UBE4A: variants seen among roughly 807,000 people sequenced by gnomAD.
UBE4A encodes ubiquitin conjugation factor E4 A.
A neutral mutation model predicts 117.9 loss-of-function variants in UBE4A; 48 were observed. The observed-to-expected ratio is 0.41, with a 90% CI of 0.32 to 0.52. UBE4A has a LOEUF of 0.52. UBE4A is among the 20% of genes least tolerant of loss of function. The pLI is 0.33. For missense variants in UBE4A, 1,067 were observed against 1,296.3 expected (o/e 0.82, Z 2.72); for synonymous variants, 407 against 450.0 (o/e 0.90, Z 1.21).
intron 2 of UBE4A, 23 bp from the exon 3 acceptor site, chr11:118,368,608 T>C: frequency 6.2e-7 from 1 of 1,613,320 alleles, no homozygotes. Context: ...GTGTAACATT[T>C]AACAGTATAC....
chr11:118,382,236 GA>G (rs1555126429), intron 12 of UBE4A, among the ~76,000 whole-genome samples: 1 of 152,156 alleles, frequency 6.6e-6, no homozygotes, highest in Non-Finnish European at 1.5e-5. Flanking sequence ...TTTACCCTCA[GA>G]AAGCTTGAAA....
chr11:118,364,445 A>T (rs573014492), intron 1 of UBE4A, among the ~76,000 whole-genome samples: 3 of 152,160 alleles, frequency 2.0e-5, no homozygotes, highest in African/African-American at 7.2e-5. Context: ...AGAAATAAAT[A>T]GATTGCTTAA....
Position 118,379,818 on chromosome 11 carries a change from G to C in UBE4A, c.1876+68G>C. 6.0e-6 allele frequency: 9 copies of C among 1,504,562 alleles called. No homozygotes were observed. The South Asian group carries it at 1.0e-4, about 17-fold the overall frequency. The allele number at this position is 1,504,562 out of a possible 1,614,324, so 93.2% of individuals were successfully genotyped here. ...TGAGTTTAAGTGGGTCACTTTGGAA[G>C]TTTAATCCTCAAAATACCCTTTCTT... is the stretch of plus-strand genomic sequence containing the variant. On this transcript the variant is annotated intron_variant, in intron 11 of 19. Transcript: ENST00000252108.
intron 10 of UBE4A, among the ~76,000 whole-genome samples, chr11:118,376,932 G>A (rs1194277457): frequency 6.6e-6 from 1 of 151,916 alleles, no homozygotes; most frequent in Non-Finnish European, 1.5e-5. Flanking sequence ...ATATGCTTGT[G>A]GTCTTAGCTG....
At chr11:118,395,520 C>T (rs1447996929) in intron 19 of UBE4A, among the ~76,000 whole-genome samples, 2 of 152,198 alleles carry the variant, frequency 1.3e-5, no homozygotes, top group Admixed American at 6.5e-5. Context: ...CATAAACCTT[C>T]TTATGTTTCA....
At chr11:118,385,971 G>A (rs1026911828) in intron 15 of UBE4A, among the ~76,000 whole-genome samples, 1 of 152,184 alleles carries the variant, frequency 6.6e-6, no homozygotes, top group Admixed American at 6.6e-5. Context: ...ATGACGTGAG[G>A]TAGAGAGTTT....
At chr11:118,378,282 A>T (rs1424319149) in intron 10 of UBE4A, among the ~76,000 whole-genome samples, 2 of 151,940 alleles carry the variant, frequency 1.3e-5, no homozygotes, top group African/African-American at 4.8e-5. Flanking sequence ...GAAAAAGACC[A>T]AGTTCTACTC....
At position 118,391,482 on chromosome 11, in the gene UBE4A, CAAAAAAA is replaced by C. The variant is rs1183433504; in HGVS notation, c.2916+685_2916+691del. On this transcript the variant is annotated intron_variant, in intron 18 of 19. Transcript: ENST00000252108. ...TGGGCAACAGAGCGAGATTCCATCT[CAAAAAAA>C]AAAAAAGAAAAAAGAAATTTAAGGG... Among the ~76,000 whole-genome samples, 19 of 113,608 alleles carry C rather than the reference CAAAAAAA, an allele frequency of 1.7e-4. No homozygotes were observed. The East Asian group carries it at 1.7e-3, about 10-fold the overall frequency. The allele number at this position is 113,608 out of a possible 152,430, so 74.5% of individuals were successfully genotyped here. A position where few individuals can be genotyped will look rare whatever the true frequency, so the allele number is the denominator to read the frequency against.
chr11:118,373,703 G>A lies in UBE4A; in HGVS notation c.1116+18G>A. ...TCCATCAGGTGGAACTGTTTACCAGGGTATCCCAGCCCCCTGATCTTAAAA... is the reference window on the plus strand; with the variant it reads ...TCCATCAGGTGGAACTGTTTACCAGAGTATCCCAGCCCCCTGATCTTAAAA... On this transcript the variant is annotated intron_variant, in intron 8 of 19. Transcript: ENST00000252108. The A allele has an allele frequency of 6.2e-7, 1 of 1,606,516 alleles. No individual in the cohort carries two copies. The highest frequency in any genetic ancestry group is 8.5e-7 in the Non-Finnish European group (1 of 1,176,700).
At position 118,373,154 on chromosome 11, in the gene UBE4A, A is replaced by G. The variant is rs780214060; in HGVS notation, c.790A>G (p.Thr264Ala). 2 of 1,614,084 alleles carry G rather than the reference A, an allele frequency of 1.2e-6. No individual in the cohort carries two copies. Among genetic ancestry groups the G allele is most frequent in the South Asian group, 2.2e-5 (2 of 91,078 alleles). Reference sequence around the variant, plus strand: ...CTTGATATTGGATGAGGAAGTTAGAACATTTCCAGAAGTCATGATTCCAGT... The same window carrying G: ...CTTGATATTGGATGAGGAAGTTAGAGCATTTCCAGAAGTCATGATTCCAGT... The part of the protein sequence containing the change: ...EALILDEEVR[T>A]FPEVMIPVFD... Residue 264 changes from threonine to alanine, a missense_variant, in exon 7 of 20, where the codon ACA becomes GCA. By Grantham distance (58) the Thr-to-Ala change is moderately conservative. This residue lies in a region of UBE4A where 1,001 missense variants were observed against 1,184.0 expected (regional missense o/e 0.85). Transcript: ENST00000252108.
In UBE4A at chr11:118,369,555, A is replaced by G; in HGVS notation, c.408+20A>G. 1.3e-6 allele frequency: 2 copies of G among 1,597,266 alleles called. No homozygotes were observed. Among genetic ancestry groups the G allele is most frequent in the Non-Finnish European group, 1.7e-6 (2 of 1,165,158 alleles). On this transcript the variant is annotated intron_variant, in intron 4 of 19. Coordinates refer to ENST00000252108, the MANE Select transcript of UBE4A (RefSeq NM_001204077.2). ...GAGCAGGTAATATTCTTACGTTCCT[A>G]ATGTGTGCCCTTAGCAAAAATTAGC... is the stretch of plus-strand genomic sequence containing the variant.
chr11:118,378,188 A>G (rs1158925731), intron 10 of UBE4A, among the ~76,000 whole-genome samples: 1 of 151,944 alleles, frequency 6.6e-6, no homozygotes, highest in Non-Finnish European at 1.5e-5. Context: ...CGGAGGTTGC[A>G]GTGAGCCGAG....
chr11:118,375,080 T>G lies in UBE4A; in HGVS notation c.1301T>G (p.Phe434Cys), dbSNP rs374659677. Reference sequence around the variant, plus strand: ...TTCCAAATGTATGCCTCAGATGCTTTCTTTCTGAATCTGGGTGCTGCTCTC... The same window carrying G: ...TTCCAAATGTATGCCTCAGATGCTTGCTTTCTGAATCTGGGTGCTGCTCTC... Reference protein sequence around the residue: ...IFFQMYASDAFFLNLGAALLK... With the variant: ...IFFQMYASDACFLNLGAALLK... Residue 434 changes from phenylalanine to cysteine, a missense_variant, in exon 9 of 20, where the codon TTC becomes TGC. This residue lies in a region of UBE4A where 1,001 missense variants were observed against 1,184.0 expected (regional missense o/e 0.85). Coordinates refer to ENST00000252108, the MANE Select transcript of UBE4A (RefSeq NM_001204077.2). 2.2e-5 allele frequency: 35 copies of G among 1,614,110 alleles called. No individual in the cohort carries two copies. Among genetic ancestry groups the G allele is most frequent in the Admixed American group, 6.7e-5 (4 of 60,008 alleles).
Position 118,379,541 on chromosome 11 carries a change from A to G in UBE4A, c.1667A>G (p.Asn556Ser), listed in dbSNP as rs190329784. Reference sequence around the variant, plus strand: ...CAAAGTTCTAGCCCTGCTGCTGACAATCTTCGTGAGCAGTTTGAACGACTG... The same window carrying G: ...CAAAGTTCTAGCCCTGCTGCTGACAGTCTTCGTGAGCAGTTTGAACGACTG... ...AQQSSSPAAD[N>S]LREQFERLMT... Residue 556 changes from asparagine to serine, a missense_variant, in exon 11 of 20, where the codon AAT becomes AGT. Transcript: ENST00000252108. 134 of 1,614,160 alleles carry G rather than the reference A, an allele frequency of 8.3e-5. No homozygotes were observed. The Admixed American group carries it at 1.1e-3, about 13-fold the overall frequency.
intron 9 of UBE4A, among the ~76,000 whole-genome samples, chr11:118,375,558 A>T (rs1948645177): frequency 6.6e-6 from 1 of 152,012 alleles, no homozygotes; most frequent in South Asian, 2.1e-4. Flanking sequence ...ACGGAGTTTC[A>T]CCATGTTGGC....
Position 118,384,751 on chromosome 11 carries a change from A to G in UBE4A, c.2298+16A>G. ...GAGCATTAAGGTGAGAGAGTTTTTG[A>G]TGAAACCTGTTGCTTTATATAAGCC... On this transcript the variant is annotated intron_variant, in intron 14 of 19. Coordinates refer to ENST00000252108, the MANE Select transcript of UBE4A (RefSeq NM_001204077.2). 6.2e-7 allele frequency: 1 copy of G among 1,612,902 alleles called. No individual in the cohort carries two copies. Among genetic ancestry groups the G allele is most frequent in the East Asian group, 2.2e-5 (1 of 44,856 alleles).
rs557427883 is a variant in UBE4A at position 118,378,376 on chromosome 11, G to C, written c.1572-1070G>C. 3 of 152,264 alleles carry C rather than the reference G, an allele frequency of 2.0e-5. No homozygotes were observed. The South Asian group carries it at 6.2e-4, about 31-fold the overall frequency. The allele number at this position is 152,264 out of a possible 1,614,324, so 9.4% of individuals were successfully genotyped here. On this transcript the variant is annotated intron_variant, in intron 10 of 19. Coordinates refer to ENST00000252108, the MANE Select transcript of UBE4A (RefSeq NM_001204077.2). ...ATCAATAGGACCACAAAAGACATTA[G>C]ATAAAGAAGATTCTAGAAATGTTAA...
intron 1 of UBE4A, among the ~76,000 whole-genome samples, chr11:118,361,937 G>A (rs543556881): frequency 6.6e-6 from 1 of 152,184 alleles, no homozygotes; most frequent in African/African-American, 2.4e-5. Flanking sequence ...AATCAGAAGA[G>A]CTTACAGCCT....
intron 2 of UBE4A, among the ~76,000 whole-genome samples, chr11:118,367,624 C>T (rs1214295011): frequency 1.3e-5 from 2 of 151,532 alleles, no homozygotes; most frequent in Non-Finnish European, 2.9e-5. Context: ...GCCTCAGCCT[C>T]CCGAGTAGCT....
Sources: gnomAD v4.1 joint callset for allele counts (sites outside exome capture counted in the v4.1 genomes callset) on GRCh38, gnomAD v4.1.1 for gene constraint, gnomAD v4.1.1 regional missense constraint, MANE v1.5 for transcripts, NCBI Gene and HGNC (gene_info 2026-07-23, HGNC 2026-07-21) for gene names.